FBXO25: variants seen among roughly 807,000 people sequenced by gnomAD.
The protein encoded by FBXO25 is F-box only protein 25.
A neutral mutation model predicts 51.9 loss-of-function variants in FBXO25; 45 were observed. The ratio of observed to expected loss-of-function variants is 0.87; its 90% CI spans 0.68 to 1.11. The LOEUF is 1.11. Among genes scored for constraint, FBXO25 ranks in the 50% most tolerant of loss-of-function variants. The probability of loss-of-function intolerance (pLI) is 0.00; values close to 1 mark genes in which losing one functional copy is unlikely to be tolerated. For synonymous variants in FBXO25, 199 were observed against 151.0 expected (o/e 1.32, Z -2.33); for missense variants, 507 against 428.5 (o/e 1.18, Z -1.62).
chr8:420,582 A>C (rs1299970845), intron 2 of FBXO25: 1 of 152,260 alleles, frequency 6.6e-6, no homozygotes, highest in Non-Finnish European at 1.5e-5. Flanking sequence ...ACATCTCTAC[A>C]GGAGAATACC....
intron 2 of FBXO25, among the ~76,000 whole-genome samples, chr8:413,560 A>G (rs1202190704): frequency 6.6e-6 from 1 of 152,156 alleles, no homozygotes; most frequent in African/African-American, 2.4e-5. Context: ...CTTACACAAG[A>G]CAAATCAGTT....
chr8:448,584 T>C (rs941925288), intron 5 of FBXO25, among the ~76,000 whole-genome samples: 11 of 152,230 alleles, frequency 7.2e-5, no homozygotes, highest in Non-Finnish European at 1.5e-4. Context: ...ATGAGCAGTT[T>C]CGGCTGGAGA....
At chr8:440,391 A>T (rs1483482159) in intron 5 of FBXO25, among the ~76,000 whole-genome samples, 2 of 152,228 alleles carry the variant, frequency 1.3e-5, no homozygotes, top group Non-Finnish European at 2.9e-5. Context: ...ATGACCCAAG[A>T]GGTAAAGACA....
At chr8:415,621 G>A (rs1474829139) in intron 2 of FBXO25, among the ~76,000 whole-genome samples, 1 of 152,200 alleles carries the variant, frequency 6.6e-6, no homozygotes, top group Non-Finnish European at 1.5e-5. Flanking sequence ...CAGCTGGACA[G>A]AGGGTCAGGA....
At chr8:463,559 C>G (rs932689264) in intron 9 of FBXO25, among the ~76,000 whole-genome samples, 1 of 152,232 alleles carries the variant, frequency 6.6e-6, no homozygotes, top group African/African-American at 2.4e-5. Flanking sequence ...TATGTCCCCA[C>G]CGACTCTGCA....
chr8:437,601 A>G (rs1798177393), intron 5 of FBXO25, among the ~76,000 whole-genome samples: 1 of 152,218 alleles, frequency 6.6e-6, no homozygotes, highest in South Asian at 2.1e-4. Flanking sequence ...AAAAACAAGA[A>G]GCAGCCTTTG....
At chr8:457,283 A>T (rs1799503728) in intron 7 of FBXO25, among the ~76,000 whole-genome samples, 1 of 152,182 alleles carries the variant, frequency 6.6e-6, no homozygotes, top group African/African-American at 2.4e-5. Context: ...TTATTTAGAT[A>T]CAACTGAGCC....
rs140785872 is a variant in FBXO25, at chr8:424,378, C to G, written c.135-6963C>G. Among the ~76,000 whole-genome samples, 118 of 152,240 alleles carry G rather than the reference C, an allele frequency of 7.8e-4. 1 individual carries two copies. The highest frequency in any genetic ancestry group is 2.6e-3 in the African/African-American group (109 of 41,548). On this transcript the variant is annotated intron_variant, in intron 2 of 9. Coordinates refer to ENST00000350302, the MANE Select transcript of FBXO25 (RefSeq NM_183420.2). ...AGCTCTTTCATTTAATTAAATTCTA[C>G]TTGCCAATTTTTGTTTTTGTTGCAT...
chr8:417,426 C>G (rs184640647), intron 2 of FBXO25, among the ~76,000 whole-genome samples: 1 of 152,172 alleles, frequency 6.6e-6, no homozygotes, highest in Non-Finnish European at 1.5e-5. Flanking sequence ...TGAGGAAGGG[C>G]TCAAATCCTG....
intron 2 of FBXO25, among the ~76,000 whole-genome samples, chr8:424,464 C>G (rs34467105): frequency 0.12 from 18,822 of 152,136 alleles, 1,227 homozygotes; most frequent in African/African-American, 0.16. Context: ...AGAGTATTTC[C>G]TAGGTTATCT....
At chr8:441,777 A>C (rs914083557) in intron 5 of FBXO25, among the ~76,000 whole-genome samples, 1 of 152,262 alleles carries the variant, frequency 6.6e-6, no homozygotes, top group South Asian at 2.1e-4. Flanking sequence ...ATCTCTGGTC[A>C]TTAGAGAAAT....
rs1351341967 is a variant in FBXO25 at position 455,824 on chromosome 8, C to T, written c.661-2545C>T. On this transcript the variant is annotated intron_variant, in intron 7 of 9. Coordinates refer to ENST00000350302, the MANE Select transcript of FBXO25 (RefSeq NM_183420.2). ...GCAAAAAACGCAGCAGGATTTCTGA[C>T]ATGTTCAGCAAGACTTTTGTGCCTT... Among the ~76,000 whole-genome samples the T allele has an allele frequency of 3.3e-5, 5 of 152,340 alleles. No homozygotes were observed. The East Asian group carries it at 5.8e-4, about 18-fold the overall frequency.
intron 2 of FBXO25, among the ~76,000 whole-genome samples, chr8:414,069 CAT>C (rs1796650925): frequency 6.6e-6 from 1 of 152,098 alleles, no homozygotes; most frequent in Non-Finnish European, 1.5e-5. Context: ...CTTGATGGGC[CAT>C]ATGTTTTTCT....
intron 1 of FBXO25, among the ~76,000 whole-genome samples, chr8:412,780 A>C (rs1199509074): frequency 6.6e-6 from 1 of 151,980 alleles, no homozygotes; most frequent in Admixed American, 6.5e-5. Context: ...CCTATTCCAC[A>C]CTCCCTGACC....
chr8:470,163 T>G lies in FBXO25; in HGVS notation c.*1359T>G, dbSNP rs866181123. 1 of 152,138 alleles carries G rather than the reference T, an allele frequency of 6.6e-6. No individual in the cohort carries two copies. The highest frequency in any genetic ancestry group is 1.5e-5 in the Non-Finnish European group (1 of 68,030). The allele number at this position is 152,138 out of a possible 1,614,324, so 9.4% of individuals were successfully genotyped here. A position where few individuals can be genotyped will look rare whatever the true frequency, so the allele number is the denominator to read the frequency against. On this transcript the variant is annotated 3_prime_UTR_variant, in exon 10 of 10. Transcript: ENST00000350302. Reference sequence around the variant, plus strand: ...TATTAGCTCCACAGAATCACCCAGATGGAACAGGCTTTTTCATCACAACAT... The same window carrying G: ...TATTAGCTCCACAGAATCACCCAGAGGGAACAGGCTTTTTCATCACAACAT...
intron 4 of FBXO25, chr8:435,316 A>G: frequency 2.6e-6 from 1 of 389,264 alleles, no homozygotes; most frequent in Non-Finnish European, 4.6e-6. Context: ...CGTCGTCCAC[A>G]CCCCAGTTTG....
At chr8:463,782 C>G (rs1244073586) in intron 9 of FBXO25, among the ~76,000 whole-genome samples, 2 of 152,140 alleles carry the variant, frequency 1.3e-5, no homozygotes, top group Non-Finnish European at 2.9e-5. Flanking sequence ...GAATGTTTTT[C>G]ACAGTCAGAG....
Position 472,345 on chromosome 8 carries a change from G to A in FBXO25, c.*3541G>A, listed in dbSNP as rs1800509844. The A allele has an allele frequency of 6.6e-6, 1 of 152,216 alleles. No homozygotes were observed. The highest frequency in any genetic ancestry group is 1.5e-5 in the Non-Finnish European group (1 of 68,038). 9.4% of individuals were successfully genotyped at this position (152,216 alleles called of 1,614,324 possible). A position where few individuals can be genotyped will look rare whatever the true frequency, so the allele number is the denominator to read the frequency against. ...TTTGGCCTTCATAAGATCATGTGCT[G>A]TTATTACATTGACTGATTTCTATAT... On this transcript the variant is annotated 3_prime_UTR_variant, in exon 10 of 10. Coordinates refer to ENST00000350302, the MANE Select transcript of FBXO25 (RefSeq NM_183420.2).
intron 9 of FBXO25, among the ~76,000 whole-genome samples, chr8:465,495 A>G (rs183574914): frequency 2.0e-5 from 3 of 152,310 alleles, no homozygotes; most frequent in East Asian, 1.9e-4. Flanking sequence ...ATATTTATCA[A>G]TATTGGAGCT....
Sources: gnomAD v4.1 joint callset for allele counts (sites outside exome capture counted in the v4.1 genomes callset) on GRCh38, gnomAD v4.1.1 for gene constraint, MANE v1.5 for transcripts, NCBI Gene and HGNC (gene_info 2026-07-23, HGNC 2026-07-21) for gene names.